The following ECPAS variants were observed in gnomAD, a reference collection of about 807,000 sequenced individuals.
ECPAS encodes the protein proteasome adapter and scaffold protein ECM29.
Under a neutral mutation model 255.1 loss-of-function variants are expected in ECPAS, and 70 were observed. The observed-to-expected ratio is 0.27, with a 90% CI of 0.23 to 0.33. The LOEUF is 0.33. Ranked by LOEUF, ECPAS falls within the 10% of genes least tolerant of loss-of-function variation. ECPAS has a pLI of 1.00. For missense variants in ECPAS, 1,817 were observed against 2,206.4 expected, an observed-to-expected ratio of 0.82 and a Z score of 3.54; for synonymous variants, 784 against 775.0, an observed-to-expected ratio of 1.01 and a Z score of -0.19.
At chr9:111,483,494 C>T (rs1326715161) in intron 1 of ECPAS, 27 of 978,648 alleles carry the variant, frequency 2.8e-5, no homozygotes, top group Non-Finnish European at 2.8e-5. Context: ...GGTTCGGCCG[C>T]GGCACTTACT....
At chr9:111,483,810 C>T in intron 1 of ECPAS, 1 of 213,402 alleles carries the variant, frequency 4.7e-6, no homozygotes, top group Non-Finnish European at 8.0e-6. Context: ...GCCGTCTGTG[C>T]GGCCGAATCC....
Position 111,366,332 on chromosome 9 carries a change from A to G in ECPAS, c.5220-5T>C, listed in dbSNP as rs779435447. The G allele has an allele frequency of 6.4e-7, 1 of 1,561,756 alleles. No homozygotes were observed. Among genetic ancestry groups the G allele is most frequent in the Admixed American group, 1.9e-5 (1 of 52,374 alleles). The stretch of plus-strand genomic sequence containing the variant: ...TCTTCTTCCAAAAGCATTAACCTAT[A>G]CAAATCAGAAAGCAAGGTACAAATG... On this transcript the variant is annotated splice_polypyrimidine_tract_variant and splice_region_variant and intron_variant, in intron 47 of 49. Transcript: ENST00000684092.
intron 24 of ECPAS, among the ~76,000 whole-genome samples, chr9:111,406,766 T>C (rs1014649396): frequency 6.7e-6 from 1 of 148,880 alleles, no homozygotes; most frequent in African/African-American, 2.6e-5. Context: ...TAGCCAGGCA[T>C]GGTGGCGCAT....
intron 6 of ECPAS, among the ~76,000 whole-genome samples, chr9:111,437,640 C>T (rs183032183): frequency 1.3e-5 from 2 of 152,244 alleles, no homozygotes; most frequent in East Asian, 1.9e-4. Flanking sequence ...GCACGTACCA[C>T]ATAAGCACAT....
chr9:111,414,104 A>T (rs2098199300), intron 19 of ECPAS, 118 bp from the exon 20 acceptor site: 1 of 167,192 alleles, frequency 6.0e-6, no homozygotes, highest in East Asian at 1.7e-4. Flanking sequence ...CGGTTCTATT[A>T]AAAAAAAAAA....
chr9:111,374,529 A>G, intron 38 of ECPAS, among the ~76,000 whole-genome samples: 1 of 152,230 alleles, frequency 6.6e-6, no homozygotes, highest in East Asian at 1.9e-4. Flanking sequence ...AAAAGACTGG[A>G]AGGAAACACT....
chr9:111,393,974 T>A (rs2098164026), intron 26 of ECPAS, among the ~76,000 whole-genome samples, 186 bp downstream of exon 26: 1 of 152,348 alleles, frequency 6.6e-6, no homozygotes, highest in South Asian at 2.1e-4. Flanking sequence ...CACTTCTGAC[T>A]TTATTCCTTC....
At chr9:111,447,438 T>C (rs963181020) in intron 3 of ECPAS, among the ~76,000 whole-genome samples, 3 of 152,186 alleles carry the variant, frequency 2.0e-5, no homozygotes, top group African/African-American at 7.2e-5. Context: ...AATGGATTAA[T>C]TACTTAATTT....
intron 45 of ECPAS, 116 bp from the exon 46 acceptor site, chr9:111,369,289 A>C (rs375684429): frequency 1.5e-6 from 1 of 673,594 alleles, no homozygotes; most frequent in African/African-American, 1.9e-5. Flanking sequence ...GAGTTAAATG[A>C]TAAATTCTCT....
chr9:111,384,709 G>GT (rs2098145374), intron 33 of ECPAS, 140 bp from the exon 34 acceptor site: 2 of 711,300 alleles, frequency 2.8e-6, no homozygotes, highest in African/African-American at 1.8e-5. Flanking sequence ...AAAAAAATTG[G>GT]TATCTCATCA....
chr9:111,379,510 T>C (rs552150540), intron 35 of ECPAS, among the ~76,000 whole-genome samples: 187 of 152,338 alleles, frequency 1.2e-3, no homozygotes, highest in African/African-American at 4.2e-3. Flanking sequence ...AGGGTGGTGT[T>C]TGCTGAATGC....
At chr9:111,366,730 G>A in intron 46 of ECPAS, 103 bp from the exon 47 acceptor site, 2 of 709,954 alleles carry the variant, frequency 2.8e-6, no homozygotes, top group South Asian at 3.3e-5. Flanking sequence ...AAGGAAGAGG[G>A]AAAGAGAAAG....
In ECPAS at chr9:111,484,233, G is replaced by T; in HGVS notation, c.-200C>A. 6.9e-7 allele frequency: 1 copy of T among 1,451,782 alleles called. No homozygotes were observed. Among genetic ancestry groups the T allele is most frequent in the Non-Finnish European group, 9.0e-7 (1 of 1,110,248 alleles). The allele number at this position is 1,451,782 out of a possible 1,614,324, so 89.9% of individuals were successfully genotyped here. Reference sequence around the variant, plus strand: ...GGGAGCCGCGCGCCGCAGTCCGTGAGGGGCTGGGCCGAGCGGGCCCGGGCT... The same window carrying T: ...GGGAGCCGCGCGCCGCAGTCCGTGATGGGCTGGGCCGAGCGGGCCCGGGCT... On this transcript the variant is annotated 5_prime_UTR_variant, in exon 1 of 50. Transcript: ENST00000684092.
chr9:111,465,894 C>G (rs1292404317), intron 2 of ECPAS, among the ~76,000 whole-genome samples: 1 of 151,620 alleles, frequency 6.6e-6, no homozygotes, highest in Non-Finnish European at 1.5e-5. Context: ...ATGAGCCAGG[C>G]ATGGTGGTGC....
At position 111,440,431 on chromosome 9, in the gene ECPAS, T is replaced by C; in HGVS notation, c.480A>G (p.Lys160=). The C allele has an allele frequency of 2.5e-6, 4 of 1,613,716 alleles. No individual in the cohort carries two copies. The highest frequency in any genetic ancestry group is 3.4e-6 in the Non-Finnish European group (4 of 1,179,692). The change falls in exon 6 of 50, where the codon AAA becomes AAG. Residue 160 remains lysine (K), a synonymous_variant. Transcript: ENST00000684092. ...KSASPFNLAE[K]PKTVQLLLDF... is the part of the protein sequence containing the mutation. Reference sequence around the variant, plus strand: ...CCAAAAGCAGCTGCACAGTCTTTGGTTTCTCAGCAAGATTAAATGGAGAAG... The same window carrying C: ...CCAAAAGCAGCTGCACAGTCTTTGGCTTCTCAGCAAGATTAAATGGAGAAG...
At chr9:111,403,359 A>G (rs570509297) in intron 24 of ECPAS, among the ~76,000 whole-genome samples, 2 of 149,992 alleles carry the variant, frequency 1.3e-5, no homozygotes, top group East Asian at 4.0e-4. Context: ...CATCTCCGAA[A>G]GAAAAAAAAA....
At chr9:111,400,296 G>A (rs1415366560) in intron 24 of ECPAS, among the ~76,000 whole-genome samples, 1 of 152,186 alleles carries the variant, frequency 6.6e-6, no homozygotes, top group Non-Finnish European at 1.5e-5. Flanking sequence ...CTGAAGGACA[G>A]GTACAAACAA....
chr9:111,446,824 A>G (rs1040580979), intron 3 of ECPAS, among the ~76,000 whole-genome samples: 2 of 152,204 alleles, frequency 1.3e-5, no homozygotes, highest in Non-Finnish European at 2.9e-5. Context: ...TAACCTTTTC[A>G]AACACTGATA....
At chr9:111,408,528 C>G (rs781427616) in intron 24 of ECPAS, 43 bp downstream of exon 24, 2 of 1,213,128 alleles carry the variant, frequency 1.6e-6, no homozygotes, top group Non-Finnish European at 2.3e-6. Flanking sequence ...AAGACCAATG[C>G]CTTTTCTCTG....
Sources: allele counts gnomAD v4.1 joint callset (sites outside exome capture counted in the v4.1 genomes callset), GRCh38; gene constraint gnomAD v4.1.1; transcripts MANE v1.5; gene names NCBI Gene and HGNC (gene_info 2026-07-23, HGNC 2026-07-21).